Variants in PPP2R2B observed in about 807,000 individuals in gnomAD.
The protein encoded by PPP2R2B is serine/threonine-protein phosphatase 2A 55 kDa regulatory subunit B beta isoform.
Under a neutral mutation model 46.0 loss-of-function variants are expected in PPP2R2B, and 5 were observed. The observed-to-expected ratio is 0.11, with a 90% CI of 0.06 to 0.23. The LOEUF is 0.23. PPP2R2B is among the 10% of genes least tolerant of loss of function. The pLI is 1.00. For synonymous variants in PPP2R2B, 215 were observed against 206.7 expected (o/e 1.04, Z -0.34); for missense variants, 367 against 575.0 (o/e 0.64, Z 3.70).
At chr5:146,856,477 G>A (rs1180130817) in intron 2 of PPP2R2B, 3 of 1,511,108 alleles carry the variant, frequency 2.0e-6, no homozygotes, top group Admixed American at 1.7e-5. Flanking sequence ...AGAAGAGTAG[G>A]TATAAATAAT....
At chr5:146,860,484 G>A (rs1424076254) in intron 2 of PPP2R2B, among the ~76,000 whole-genome samples, 1 of 152,152 alleles carries the variant, frequency 6.6e-6, no homozygotes, top group Non-Finnish European at 1.5e-5. Context: ...TGAGTGGATG[G>A]TAGTATTCTC....
intron 2 of PPP2R2B, among the ~76,000 whole-genome samples, chr5:146,753,520 T>C (rs1382285887): frequency 6.6e-6 from 1 of 152,200 alleles, no homozygotes; most frequent in East Asian, 1.9e-4. Context: ...CAGTTCCTTT[T>C]GTCAGCTGTC....
intron 1 of PPP2R2B, among the ~76,000 whole-genome samples, chr5:146,918,734 C>T (rs1763485614): frequency 6.6e-6 from 1 of 152,098 alleles, no homozygotes; most frequent in Non-Finnish European, 1.5e-5. Context: ...AAATATATTC[C>T]CTTGTAACCA....
intron 5 of PPP2R2B, among the ~76,000 whole-genome samples, chr5:146,686,484 T>G (rs1187571662): frequency 6.6e-6 from 1 of 152,168 alleles, no homozygotes; most frequent in African/African-American, 2.4e-5. Context: ...CCGAGAGAGA[T>G]ATTATGAGGA....
rs187133229 is a variant in PPP2R2B at position 147,052,454 on chromosome 5, C to T, written c.79+3211G>A. Among the ~76,000 whole-genome samples the T allele has an allele frequency of 3.0e-4, 46 of 152,250 alleles. 1 individual carries two copies. Among genetic ancestry groups the T allele is most frequent in the African/African-American group, 1.1e-3 (44 of 41,542 alleles). On this transcript the variant is annotated intron_variant, in intron 1 of 8. Coordinates refer to the PPP2R2B transcript ENST00000336640. ...AACAAAACAGTCACATTGGTTTGCT[C>T]ATAATGACAAATTAGGGTAAGTGCT...
chr5:146,802,068 A>T (rs1467147937), intron 2 of PPP2R2B, among the ~76,000 whole-genome samples: 1 of 152,148 alleles, frequency 6.6e-6, no homozygotes, highest in Non-Finnish European at 1.5e-5. Context: ...GGCAGAGGTG[A>T]TATTCTCAGA....
chr5:146,849,710 G>A (rs527605046), intron 2 of PPP2R2B, among the ~76,000 whole-genome samples: 36 of 152,206 alleles, frequency 2.4e-4, no homozygotes, highest in Middle Eastern at 3.4e-3. Context: ...ATACATCTAA[G>A]CCATGCAAAA....
chr5:147,061,897 CAAAT>C (rs1386716376), intron 2 of PPP2R2B, among the ~76,000 whole-genome samples: 1 of 152,084 alleles, frequency 6.6e-6, no homozygotes, highest in Non-Finnish European at 1.5e-5. Flanking sequence ...AAAGAGTAGA[CAAAT>C]AAAATCTCTT....
intron 2 of PPP2R2B, among the ~76,000 whole-genome samples, chr5:146,841,217 A>G (rs1053759545): frequency 6.6e-6 from 1 of 152,194 alleles, no homozygotes; most frequent in Non-Finnish European, 1.5e-5. Context: ...TTCTGAATGC[A>G]TGTAGTTCTG....
intron 5 of PPP2R2B, among the ~76,000 whole-genome samples, chr5:146,665,014 T>TC (rs70998100): frequency 0.99 from 150,309 of 152,258 alleles, 74,193 homozygotes; most frequent in East Asian, 1. Flanking sequence ...AGATGTGCTC[T>TC]ATTCAGGCTT....
chr5:146,932,227 C>T (rs13182446), intron 1 of PPP2R2B, among the ~76,000 whole-genome samples: 22,389 of 152,150 alleles, frequency 0.15, 2,198 homozygotes, highest in East Asian at 0.38. Flanking sequence ...TAAGGTTTAT[C>T]AAGGTATCAG....
At chr5:146,615,502 T>TAAAAAAAAAATTAAAA (rs1773070033) in intron 7 of PPP2R2B, among the ~76,000 whole-genome samples, 1 of 44,932 alleles carries the variant, frequency 2.2e-5, no homozygotes, top group African/African-American at 7.9e-5. Flanking sequence ...TAGAGTATAA[T>TAAAAAAAAAATTAAAA]AAAAAAAAAA....
chr5:146,866,197 T>C (rs901772760), intron 2 of PPP2R2B, among the ~76,000 whole-genome samples: 2 of 152,192 alleles, frequency 1.3e-5, no homozygotes, highest in African/African-American at 4.8e-5. Flanking sequence ...AACATCGACA[T>C]AATTTTACAA....
chr5:146,757,878 C>T (rs936860613), intron 2 of PPP2R2B, among the ~76,000 whole-genome samples: 1 of 152,152 alleles, frequency 6.6e-6, no homozygotes, highest in Non-Finnish European at 1.5e-5. Context: ...GTTTAAACTT[C>T]CATTTTCCAC....
rs199567203 is a variant in PPP2R2B at position 146,812,769 on chromosome 5, ATG to A, written c.70+65231_70+65232del. ...ATACTGCTATCACTAGAGTTACTTA[ATG>A]TGTGTGTGTGTGTATATGTGTGTAT... On this transcript the variant is annotated intron_variant, in intron 2 of 9. Coordinates refer to ENST00000394411, the MANE Select transcript of PPP2R2B (RefSeq NM_181675.4). 1.7e-4 allele frequency among the ~76,000 whole-genome samples: 6 copies of A among 36,296 alleles called. 1 individual carries two copies. Among genetic ancestry groups the A allele is most frequent in the African/African-American group, 3.3e-4 (3 of 9,226 alleles). The allele number at this position is 36,296 out of a possible 152,430, so 23.8% of individuals were successfully genotyped here.
At chr5:146,682,905 A>G (rs956377056) in intron 5 of PPP2R2B, among the ~76,000 whole-genome samples, 1 of 152,222 alleles carries the variant, frequency 6.6e-6, no homozygotes, top group Non-Finnish European at 1.5e-5. Flanking sequence ...TCTATACAGA[A>G]CCTTGAGGCA....
At chr5:147,078,937 A>G (rs1757884396) in intron 2 of PPP2R2B, among the ~76,000 whole-genome samples, 2 of 152,178 alleles carry the variant, frequency 1.3e-5, no homozygotes, top group Non-Finnish European at 2.9e-5. Context: ...GATTTAAAAC[A>G]AGGCATTCAC....
chr5:146,590,921 T>TC (rs1057198257), intron 9 of PPP2R2B, among the ~76,000 whole-genome samples: 1 of 149,782 alleles, frequency 6.7e-6, no homozygotes, highest in Non-Finnish European at 1.5e-5. Context: ...ATGGTTTTTT[T>TC]CCCACACTTA....
chr5:147,080,846 A>G (rs1455267644), intron 2 of PPP2R2B, among the ~76,000 whole-genome samples: 2 of 152,114 alleles, frequency 1.3e-5, no homozygotes, highest in African/African-American at 4.8e-5. Context: ...CTGAAAGTTC[A>G]TTTCAGTGCC....
Sources: allele counts gnomAD v4.1 joint callset (sites outside exome capture counted in the v4.1 genomes callset), GRCh38; gene constraint gnomAD v4.1.1; transcripts MANE v1.5; gene names NCBI Gene and HGNC (gene_info 2026-07-23, HGNC 2026-07-21).